Variants in TOMM70 observed in about 807,000 individuals in gnomAD.
TOMM70 encodes mitochondrial import receptor subunit TOM70.
TOMM70 carries 13 observed loss-of-function variants against 73.6 expected under a neutral mutation model. The ratio of observed to expected loss-of-function variants is 0.18; its 90% CI spans 0.11 to 0.28. The LOEUF is 0.28. Ranked by LOEUF, TOMM70 falls within the 10% of genes least tolerant of loss-of-function variation. The probability of loss-of-function intolerance (pLI) is 1.00; values close to 1 mark genes in which losing one functional copy is unlikely to be tolerated. For missense variants in TOMM70, 609 were observed against 747.5 expected, an observed-to-expected ratio of 0.81 and a Z score of 2.16; for synonymous variants, 257 against 271.2, an observed-to-expected ratio of 0.95 and a Z score of 0.51.
chr3:100,376,555 A>G (rs1446989991), intron 6 of TOMM70, among the ~76,000 whole-genome samples: 1 of 150,378 alleles, frequency 6.6e-6, no homozygotes, highest in Non-Finnish European at 1.5e-5. Context: ...CCACCACCCC[A>G]GCCAAGCACA....
Position 100,365,266 on chromosome 3 carries a change from C to A in TOMM70, c.*298G>T. ...CAACCCCCCTTAAAAAAAAAATCAA[C>A]AAATCAGTTTTTATTTGCATGGCCA... On this transcript the variant is annotated 3_prime_UTR_variant, in exon 12 of 12. Coordinates refer to ENST00000284320, the MANE Select transcript of TOMM70 (RefSeq NM_014820.5). The A allele has an allele frequency of 7.2e-6, 2 of 276,026 alleles. No homozygotes were observed. The highest frequency in any genetic ancestry group is 9.9e-5 in the South Asian group (1 of 10,064). The allele number at this position is 276,026 out of a possible 1,614,324, so 17.1% of individuals were successfully genotyped here.
intron 11 of TOMM70, 119 bp from the exon 12 acceptor site, chr3:100,365,836 G>A: frequency 3.6e-6 from 4 of 1,119,584 alleles, no homozygotes; most frequent in Non-Finnish European, 5.1e-6. Context: ...ATTCAATGAA[G>A]GTTGTAAGTG....
Position 100,365,626 on chromosome 3 carries a change from C to T in TOMM70, c.1765G>A (p.Asp589Asn), listed in dbSNP as rs753612125. ...MEMAHLYSLC[D>N]AAHAQTEVAK... Reference sequence around the variant, plus strand: ...ACTTCTGTCTGGGCATGGGCGGCATCGCAAAGTGAATACAGATGGGCCATC... The same window carrying T: ...ACTTCTGTCTGGGCATGGGCGGCATTGCAAAGTGAATACAGATGGGCCATC... Residue 589 changes from aspartate (D) to asparagine (N), a missense_variant, in exon 12 of 12, where the codon GAT becomes AAT. Physicochemically the swap from Asp to Asn is conservative, Grantham distance 23. Around this residue, in one of 2 missense-constraint regions of TOMM70, gnomAD observed 432 missense variants for 584.1 expected, o/e 0.74. Coordinates refer to ENST00000284320, the MANE Select transcript of TOMM70 (RefSeq NM_014820.5). 1.9e-5 allele frequency: 30 copies of T among 1,614,062 alleles called. No individual in the cohort carries two copies. Among genetic ancestry groups the T allele is most frequent in the African/African-American group, 2.7e-5 (2 of 74,924 alleles).
rs149760059 is a variant in TOMM70, at chr3:100,372,630, G to A, written c.1428C>T (p.Ala476=). 3.8e-5 allele frequency: 61 copies of A among 1,613,784 alleles called. No individual in the cohort carries two copies. The African/African-American group carries it at 5.7e-4, about 15-fold the overall frequency. ...EEVIKKFPRC[A]EGYALYAQAL... Reference sequence around the variant, plus strand: ...CCTGGGCGTATAGTGCATAGCCTTCGGCACACCTTGGAAATTTCTTTATGA... The same window carrying A: ...CCTGGGCGTATAGTGCATAGCCTTCAGCACACCTTGGAAATTTCTTTATGA... Residue 476 remains alanine, a synonymous_variant, in exon 9 of 12, where the codon GCC becomes GCT. Coordinates refer to ENST00000284320, the MANE Select transcript of TOMM70 (RefSeq NM_014820.5).
intron 9 of TOMM70, among the ~76,000 whole-genome samples, chr3:100,369,552 G>A (rs1251595446): frequency 6.6e-6 from 1 of 151,114 alleles, no homozygotes; most frequent in African/African-American, 2.4e-5. Flanking sequence ...CCAGGCTGGG[G>A]TGTAGTGGCG....
At chr3:100,396,995 A>G (rs2148895425) in intron 1 of TOMM70, among the ~76,000 whole-genome samples, 1 of 152,368 alleles carries the variant, frequency 6.6e-6, no homozygotes, top group South Asian at 2.1e-4. Flanking sequence ...AAGCCAAAAG[A>G]CAAAAATACA....
chr3:100,381,877 TA>T (rs1489143523), intron 4 of TOMM70, 114 bp from the exon 5 acceptor site: 2 of 1,073,264 alleles, frequency 1.9e-6, no homozygotes, highest in Admixed American at 5.7e-5. Context: ...CATTTTCAAA[TA>T]ACTAAAATTA....
chr3:100,398,098 T>C (rs1706845732), intron 1 of TOMM70, among the ~76,000 whole-genome samples: 1 of 152,020 alleles, frequency 6.6e-6, no homozygotes, highest in Non-Finnish European at 1.5e-5. Flanking sequence ...TAAAATCTAG[T>C]TTCAGCCGGT....
chr3:100,384,176 T>C (rs1256442272), intron 4 of TOMM70, among the ~76,000 whole-genome samples: 3 of 152,230 alleles, frequency 2.0e-5, no homozygotes, highest in Admixed American at 6.5e-5. Context: ...GAAAACAACA[T>C]GTGACTGAAC....
At chr3:100,391,940 T>A (rs546202272) in intron 1 of TOMM70, among the ~76,000 whole-genome samples, 77 of 152,332 alleles carry the variant, frequency 5.1e-4, no homozygotes, top group African/African-American at 1.7e-3. Flanking sequence ...ACAAGCTCCA[T>A]GTTAAGTGCT....
chr3:100,378,894 C>A (rs896249737), intron 5 of TOMM70, among the ~76,000 whole-genome samples: 1 of 152,050 alleles, frequency 6.6e-6, no homozygotes, highest in African/African-American at 2.4e-5. Flanking sequence ...ATAGTCCCAG[C>A]TACTCGGGAG....
At chr3:100,365,849 G>A in intron 11 of TOMM70, 132 bp from the exon 12 acceptor site, 5 of 1,011,670 alleles carry the variant, frequency 4.9e-6, no homozygotes, top group Non-Finnish European at 7.1e-6. Flanking sequence ...TGTAAGTGAT[G>A]CTACATGAAG....
At chr3:100,391,765 A>C (rs1706764780) in intron 1 of TOMM70, among the ~76,000 whole-genome samples, 1 of 152,226 alleles carries the variant, frequency 6.6e-6, no homozygotes, top group Non-Finnish European at 1.5e-5. Context: ...ATAAAGTTAA[A>C]AAGTTACATA....
At chr3:100,378,522 TG>T (rs1305392036) in intron 5 of TOMM70, among the ~76,000 whole-genome samples, 1 of 152,266 alleles carries the variant, frequency 6.6e-6, no homozygotes, top group East Asian at 1.9e-4. Context: ...ACTGAAAAGA[TG>T]AGCTAACGAA....
chr3:100,391,748 A>G (rs915759264), intron 1 of TOMM70, among the ~76,000 whole-genome samples: 1 of 152,224 alleles, frequency 6.6e-6, no homozygotes, highest in Admixed American at 6.5e-5. Context: ...AAAAAATTTA[A>G]AAGTTCATAA....
intron 1 of TOMM70, among the ~76,000 whole-genome samples, chr3:100,387,433 T>C (rs183526692): frequency 2.0e-5 from 3 of 151,892 alleles, no homozygotes; most frequent in Non-Finnish European, 2.9e-5. Flanking sequence ...GGTGAGAGAT[T>C]GGGACTCTGT....
intron 4 of TOMM70, among the ~76,000 whole-genome samples, chr3:100,382,803 A>T (rs536676570): frequency 6.6e-6 from 1 of 152,328 alleles, no homozygotes; most frequent in African/African-American, 2.4e-5. Context: ...AAGGGATTTA[A>T]GTATCAAAGG....
chr3:100,379,194 AT>A (rs34146652), intron 5 of TOMM70, among the ~76,000 whole-genome samples: 36,148 of 152,020 alleles, frequency 0.24, 5,358 homozygotes, highest in Middle Eastern at 0.38. Context: ...TGTAGAAGTA[AT>A]TTTTTTTAAC....
intron 1 of TOMM70, among the ~76,000 whole-genome samples, chr3:100,392,312 T>C (rs1470970318): frequency 6.7e-6 from 1 of 150,242 alleles, no homozygotes; most frequent in Admixed American, 6.7e-5. Flanking sequence ...CACACACACA[T>C]AAATCCAATA....
Sources: gnomAD v4.1 joint callset for allele counts (sites outside exome capture counted in the v4.1 genomes callset) on GRCh38, gnomAD v4.1.1 for gene constraint, gnomAD v4.1.1 regional missense constraint, MANE v1.5 for transcripts, NCBI Gene and HGNC (gene_info 2026-07-23, HGNC 2026-07-21) for gene names.